Variants in INTS4 observed in about 807,000 individuals in gnomAD.
The protein encoded by INTS4 is integrator complex subunit 4.
In INTS4, 70 loss-of-function variants were observed where a neutral mutation model predicts 119.5. That is an observed-to-expected ratio of 0.59 (90% CI 0.48 to 0.71). INTS4 has a LOEUF of 0.71. INTS4 is among the 30% of genes least tolerant of loss of function. INTS4 has a pLI of 0.00. For synonymous variants in INTS4, 316 were observed against 419.6 expected (o/e 0.75, Z 3.02); for missense variants, 867 against 1,173.2 (o/e 0.74, Z 3.81).
chr11:77,901,395 A>T, intron 18 of INTS4, 26 bp downstream of exon 18: 1 of 1,613,396 alleles, frequency 6.2e-7, no homozygotes, highest in Non-Finnish European at 8.5e-7. Flanking sequence ...AACATGCCAC[A>T]TATTTTGGCC....
Position 77,994,624 on chromosome 11 carries a change from T to C in INTS4, c.20A>G (p.Lys7Arg). Reference sequence around the variant, plus strand: ...TTTCGTGAATTCCTCATAAACCCGCTTCTTAAGGTGCGCCGCCATGCCTAC... The same window carrying C: ...TTTCGTGAATTCCTCATAAACCCGCCTCTTAAGGTGCGCCGCCATGCCTAC... MAAHLK[K>R]RVYEEFTKVV... Residue 7 changes from lysine to arginine, a missense_variant, in exon 1 of 23, where the codon AAG (lysine) becomes AGG (arginine). By Grantham distance (26) the Lys-to-Arg change is conservative (BLOSUM62 2). Around this residue, in one of 5 missense-constraint regions of INTS4, gnomAD observed 224 missense variants for 231.8 expected, o/e 0.97. Transcript: ENST00000534064. The C allele has an allele frequency of 2.5e-6, 4 of 1,614,168 alleles. No homozygotes were observed. The highest frequency in any genetic ancestry group is 3.4e-6 in the Non-Finnish European group (4 of 1,180,020).
chr11:77,945,909 C>T (rs1338812799), intron 8 of INTS4, among the ~76,000 whole-genome samples: 3 of 152,208 alleles, frequency 2.0e-5, no homozygotes, highest in Non-Finnish European at 4.4e-5. Flanking sequence ...CCAAACTGCC[C>T]AGCCCCACTG....
chr11:77,879,175 A>G (rs1201517026), intron 22 of INTS4, 48 bp from the exon 23 acceptor site: 1 of 1,596,976 alleles, frequency 6.3e-7, no homozygotes, highest in Non-Finnish European at 8.6e-7. Context: ...AACTGCTAGG[A>G]ATGAGGATGA....
At chr11:77,898,206 C>A (rs959778324) in intron 18 of INTS4, among the ~76,000 whole-genome samples, 1 of 152,184 alleles carries the variant, frequency 6.6e-6, no homozygotes, top group Admixed American at 6.5e-5. Context: ...CTCTGTCACC[C>A]AGGCTGGAGT....
intron 1 of INTS4, among the ~76,000 whole-genome samples, chr11:77,994,335 A>G (rs1183841213): frequency 6.6e-6 from 1 of 152,156 alleles, no homozygotes; most frequent in Non-Finnish European, 1.5e-5. Flanking sequence ...AAATGAAATA[A>G]CGGATAAGAC....
chr11:77,965,793 G>T (rs1212402648), intron 4 of INTS4, among the ~76,000 whole-genome samples: 1 of 152,208 alleles, frequency 6.6e-6, no homozygotes, highest in African/African-American at 2.4e-5. Context: ...ACATTGGAGT[G>T]CAAGCATCCC....
At chr11:77,917,993 G>C in intron 15 of INTS4, 2 of 695,514 alleles carry the variant, frequency 2.9e-6, no homozygotes, top group South Asian at 1.5e-5. Flanking sequence ...CAACTTTTGG[G>C]AAGTGTCTTT....
chr11:77,965,272 G>C (rs911007256), intron 4 of INTS4, among the ~76,000 whole-genome samples: 1 of 152,028 alleles, frequency 6.6e-6, no homozygotes, highest in Non-Finnish European at 1.5e-5. Flanking sequence ...GGCTGGTCTT[G>C]AATTCCTGGA....
chr11:77,957,663 C>CTTT (rs1159914263), intron 7 of INTS4, among the ~76,000 whole-genome samples: 158 of 110,664 alleles, frequency 1.4e-3, no homozygotes, highest in Non-Finnish European at 1.7e-3. Context: ...AACTGAACTT[C>CTTT]TTTTTTTTTT....
chr11:77,931,270 T>TA (rs1953641917), intron 10 of INTS4, among the ~76,000 whole-genome samples: 1 of 152,118 alleles, frequency 6.6e-6, no homozygotes, highest in African/African-American at 2.4e-5. Context: ...AGAAGATGGA[T>TA]AAATTAGAAG....
intron 15 of INTS4, among the ~76,000 whole-genome samples, chr11:77,908,889 G>A (rs1953025761): frequency 6.6e-6 from 1 of 152,140 alleles, no homozygotes; most frequent in African/African-American, 2.4e-5. Context: ...TGTCCAGTTA[G>A]CCATTCTCCA....
At chr11:77,951,679 A>C (rs552298512) in intron 8 of INTS4, among the ~76,000 whole-genome samples, 71 of 152,340 alleles carry the variant, frequency 4.7e-4, no homozygotes, top group African/African-American at 1.6e-3. Flanking sequence ...TAATTAAACT[A>C]AAGAGCTTGT....
chr11:77,898,165 A>AATT (rs1372825276), intron 18 of INTS4, among the ~76,000 whole-genome samples: 1 of 151,864 alleles, frequency 6.6e-6, no homozygotes, highest in Non-Finnish European at 1.5e-5. Flanking sequence ...AACTGGCCTA[A>AATT]ATTATTATTA....
chr11:77,894,326 C>T lies in INTS4; in HGVS notation c.2252G>A (p.Cys751Tyr), dbSNP rs763128428. ...TRGLDPLFGM[C>Y]EKFLQEVDFF... Reference sequence around the variant, plus strand: ...GTCTACTTCCTGTAAAAATTTTTCACACATCCCAAATAAGGGGTCAAGTCT... The same window carrying T: ...GTCTACTTCCTGTAAAAATTTTTCATACATCCCAAATAAGGGGTCAAGTCT... Residue 751 changes from cysteine (C) to tyrosine (Y), a missense_variant, in exon 19 of 23, where the codon TGT becomes TAT. Cys to Tyr is a radical substitution (Grantham distance 194, BLOSUM62 -2). Around this residue, in one of 5 missense-constraint regions of INTS4, gnomAD observed 262 missense variants for 376.0 expected, o/e 0.70. Transcript: ENST00000534064. 1.3e-6 allele frequency: 2 copies of T among 1,565,380 alleles called. No individual in the cohort carries two copies. The highest frequency in any genetic ancestry group is 1.8e-5 in the Admixed American group (1 of 57,046).
intron 8 of INTS4, among the ~76,000 whole-genome samples, chr11:77,941,599 G>T (rs909341193): frequency 6.6e-6 from 1 of 152,064 alleles, no homozygotes; most frequent in African/African-American, 2.4e-5. Flanking sequence ...GAGTAGCTGG[G>T]ATTACAGGTG....
At chr11:77,970,195 G>T (rs139614999) in intron 4 of INTS4, among the ~76,000 whole-genome samples, 2,158 of 151,520 alleles carry the variant, frequency 0.014, 43 homozygotes, top group African/African-American at 0.048. Flanking sequence ...TCAAGAGCTC[G>T]AGACCAGGCT....
chr11:77,914,843 CA>C (rs1953170360), intron 15 of INTS4: 1 of 152,220 alleles, frequency 6.6e-6, no homozygotes, highest in African/African-American at 2.4e-5. Flanking sequence ...CAATAAATAT[CA>C]AGTATATGAT....
At chr11:77,907,414 C>T (rs980054573) in intron 16 of INTS4, among the ~76,000 whole-genome samples, 1 of 152,190 alleles carries the variant, frequency 6.6e-6, no homozygotes, top group Non-Finnish European at 1.5e-5. Context: ...AAACTTCATA[C>T]AATTCCTTTG....
chr11:77,890,987 G>A (rs1160597279), intron 21 of INTS4, among the ~76,000 whole-genome samples: 1 of 152,152 alleles, frequency 6.6e-6, no homozygotes, highest in Non-Finnish European at 1.5e-5. Flanking sequence ...TGTAACAAAA[G>A]ACCAAATCTT....
Sources: gnomAD v4.1 joint callset for allele counts (sites outside exome capture counted in the v4.1 genomes callset) on GRCh38, gnomAD v4.1.1 for gene constraint, gnomAD v4.1.1 regional missense constraint, MANE v1.5 for transcripts, NCBI Gene and HGNC (gene_info 2026-07-23, HGNC 2026-07-21) for gene names.